Variants in DNAH11 observed in about 807,000 individuals in gnomAD.
The protein encoded by DNAH11 is dynein axonemal heavy chain 11.
A neutral mutation model predicts 526.0 loss-of-function variants in DNAH11; 442 were observed. That is an observed-to-expected ratio of 0.84 (90% CI 0.78 to 0.91). The LOEUF is 0.91. Ranked by LOEUF, DNAH11 falls within the 40% of genes least tolerant of loss-of-function variation. DNAH11 has a pLI of 0.00. For missense variants in DNAH11, 6,989 were observed against 5,448.7 expected (o/e 1.28, Z -8.90); for synonymous variants, 2,461 against 1,935.9 (o/e 1.27, Z -7.12).
chr7:21,869,771 T>C (rs1229339472), intron 73 of DNAH11, among the ~76,000 whole-genome samples: 1 of 152,210 alleles, frequency 6.6e-6, no homozygotes, highest in Non-Finnish European at 1.5e-5. Context: ...CCTTTGATTG[T>C]AAATTATAGG....
In DNAH11 at chr7:21,849,018, T is replaced by G. The variant is rs193300795; in HGVS notation, c.10897-3449T>G. ...CTCCTGCCTCAGCCTCCCGAGTAGC[T>G]GGGATTACAGGCATGTACCGCCATG... On this transcript the variant is annotated intron_variant, in intron 66 of 81. Coordinates refer to ENST00000409508, the MANE Select transcript of DNAH11 (RefSeq NM_001277115.2). Among the ~76,000 whole-genome samples the G allele has an allele frequency of 5.6e-3, 851 of 152,302 alleles. 6 individuals carry two copies. Among genetic ancestry groups the G allele is most frequent in the African/African-American group, 0.019 (807 of 41,572 alleles).
At chr7:21,773,267 A>G (rs898424263) in intron 55 of DNAH11, among the ~76,000 whole-genome samples, 1 of 151,566 alleles carries the variant, frequency 6.6e-6, no homozygotes, top group Non-Finnish European at 1.5e-5. Flanking sequence ...TCCCAGAAGC[A>G]GTGACATTTA....
chr7:21,901,125 G>A lies in DNAH11; in HGVS notation c.13422G>A (p.Gln4474=). The A allele has an allele frequency of 6.2e-7, 1 of 1,613,306 alleles. No individual in the cohort carries two copies. Among genetic ancestry groups the A allele is most frequent in the South Asian group, 1.1e-5 (1 of 91,074 alleles). Reference sequence around the variant, plus strand: ...CCGTGGACAGACAAGAAACCAAACAGACCTACGAGTGCCCTGTGTATAGAA... The same window carrying A: ...CCGTGGACAGACAAGAAACCAAACAAACCTACGAGTGCCCTGTGTATAGAA... ...ATPVDRQETK[Q]TYECPVYRTK... The change falls in exon 82 of 82, where the codon CAG becomes CAA. Residue 4474 remains glutamine, a synonymous_variant. Transcript: ENST00000409508.
intron 45 of DNAH11, among the ~76,000 whole-genome samples, chr7:21,734,417 A>G (rs939096090): frequency 9.2e-5 from 14 of 152,230 alleles, no homozygotes; most frequent in Admixed American, 3.3e-4. Flanking sequence ...AAAATATGAG[A>G]TGCAGCTCGA....
At chr7:21,725,097 A>G (rs528770957) in intron 44 of DNAH11, among the ~76,000 whole-genome samples, 1 of 152,334 alleles carries the variant, frequency 6.6e-6, no homozygotes, top group Non-Finnish European at 1.5e-5. Flanking sequence ...CTATACTGAT[A>G]TTAAAGCAAG....
chr7:21,705,453 T>A lies in DNAH11; in HGVS notation c.6469-7T>A. 6.2e-7 allele frequency: 1 copy of A among 1,613,610 alleles called. No homozygotes were observed. Among genetic ancestry groups the A allele is most frequent in the South Asian group, 1.1e-5 (1 of 91,050 alleles). On this transcript the variant is annotated splice_polypyrimidine_tract_variant and splice_region_variant and intron_variant, in intron 38 of 81. Coordinates refer to ENST00000409508, the MANE Select transcript of DNAH11 (RefSeq NM_001277115.2). The stretch of plus-strand genomic sequence containing the variant: ...AGGAAACCAGCAACCAGCTGTTTGC[T>A]CTGCAGGTTGTCCAGCTTGAGGAAC...
chr7:21,778,025 T>C (rs1202893323), intron 56 of DNAH11, among the ~76,000 whole-genome samples: 2 of 152,150 alleles, frequency 1.3e-5, no homozygotes, highest in Non-Finnish European at 2.9e-5. Flanking sequence ...AGAAGTGCAG[T>C]GGAGAGATAA....
At chr7:21,582,678 G>A (rs148986837) in intron 9 of DNAH11, among the ~76,000 whole-genome samples, 2,437 of 152,170 alleles carry the variant, frequency 0.016, 214 homozygotes, top group Admixed American at 0.14. Context: ...ATGAGGAATA[G>A]CAACACCATG....
At chr7:21,895,890 C>T (rs1320222839) in intron 79 of DNAH11, among the ~76,000 whole-genome samples, 3 of 152,146 alleles carry the variant, frequency 2.0e-5, no homozygotes, top group South Asian at 2.1e-4. Context: ...CCACCACATC[C>T]GGTTAATTTT....
At chr7:21,784,595 T>TCAAACTCTAATAACCTTTAA in intron 58 of DNAH11, 55 bp downstream of exon 58, 1 of 1,314,062 alleles carries the variant, frequency 7.6e-7, no homozygotes, top group Non-Finnish European at 1.0e-6. Flanking sequence ...TAAAGGTTAT[T>TCAAACTCTAATAACCTTTAA]AGAGTTTGAA....
At chr7:21,599,632 C>A (rs1784994652) in intron 14 of DNAH11, among the ~76,000 whole-genome samples, 155 bp from the exon 15 acceptor site, 1 of 152,222 alleles carries the variant, frequency 6.6e-6, no homozygotes, top group Non-Finnish European at 1.5e-5. Flanking sequence ...AGATCTTTGA[C>A]ATCTAGCTTA....
chr7:21,850,608 CTTTTTTTTTTTTTT>C (rs3062635), intron 66 of DNAH11, among the ~76,000 whole-genome samples: 2 of 62,658 alleles, frequency 3.2e-5, no homozygotes, highest in Admixed American at 4.1e-4. Context: ...CTGTCTTCTT[CTTTTTTTTTTTTTT>C]TTTTTTTTTG....
chr7:21,637,643 T>C lies in DNAH11; in HGVS notation c.4758T>C (p.Asn1586=). The C allele has an allele frequency of 1.9e-6, 3 of 1,590,170 alleles. No homozygotes were observed. Among genetic ancestry groups the C allele is most frequent in the Non-Finnish European group, 2.6e-6 (3 of 1,167,454 alleles). Residue 1586 remains asparagine (N), a synonymous_variant, in exon 27 of 82, where the codon AAT becomes AAC. Coordinates refer to ENST00000409508, the MANE Select transcript of DNAH11 (RefSeq NM_001277115.2). ...ELMFKTAKVE[N]VLEATCRPNL... The stretch of plus-strand genomic sequence containing the variant: ...TGTTCAAGACAGCCAAAGTAGAAAA[T>C]GTGTTAGAAGCAACGTGCAGACCTA...
chr7:21,663,277 A>G (rs1329522070), intron 30 of DNAH11, among the ~76,000 whole-genome samples: 4 of 152,124 alleles, frequency 2.6e-5, no homozygotes, highest in Non-Finnish European at 5.9e-5. Context: ...ATAGTGTTGC[A>G]ATAAACATAG....
At chr7:21,788,730 CCA>C (rs1788302132) in intron 60 of DNAH11, among the ~76,000 whole-genome samples, 1 of 152,120 alleles carries the variant, frequency 6.6e-6, no homozygotes. Flanking sequence ...GAGAATTTTT[CCA>C]CACTTATTTT....
chr7:21,795,490 G>A (rs971632183), intron 61 of DNAH11, among the ~76,000 whole-genome samples: 9 of 152,258 alleles, frequency 5.9e-5, no homozygotes, highest in African/African-American at 2.2e-4. Context: ...TTTCCTTTCT[G>A]TCTTCCACAC....
chr7:21,552,983 G>A (rs1033692930), intron 2 of DNAH11, among the ~76,000 whole-genome samples: 1 of 151,816 alleles, frequency 6.6e-6, no homozygotes, highest in African/African-American at 2.4e-5. Flanking sequence ...AGTGTTGTAC[G>A]GGTGACATGC....
At chr7:21,684,529 A>T (rs1051523514) in intron 32 of DNAH11, among the ~76,000 whole-genome samples, 1 of 152,216 alleles carries the variant, frequency 6.6e-6, no homozygotes, top group Non-Finnish European at 1.5e-5. Flanking sequence ...AATATGTTTA[A>T]AATTGTCTTG....
intron 14 of DNAH11, among the ~76,000 whole-genome samples, chr7:21,598,341 T>C (rs1192451773): frequency 6.6e-6 from 1 of 152,144 alleles, no homozygotes; most frequent in African/African-American, 2.4e-5. Context: ...ACCTGACCTT[T>C]TGAAACCTGT....
Sources: gnomAD v4.1 joint callset for allele counts (sites outside exome capture counted in the v4.1 genomes callset) on GRCh38, gnomAD v4.1.1 for gene constraint, MANE v1.5 for transcripts, NCBI Gene and HGNC (gene_info 2026-07-23, HGNC 2026-07-21) for gene names.